Variants in TRABD2A observed in about 807,000 individuals in gnomAD.
TRABD2A encodes the protein TraB domain containing 2A, also known as metalloprotease TIKI1.
A neutral mutation model predicts 45.6 loss-of-function variants in TRABD2A; 43 were observed. The ratio of observed to expected loss-of-function variants is 0.94; its 90% confidence interval spans 0.74 to 1.22. TRABD2A has a LOEUF of 1.22. Ranked by LOEUF, TRABD2A falls within the 50% of genes most tolerant of loss-of-function variation. TRABD2A has a pLI of 0.00. For synonymous variants in TRABD2A, 269 were observed against 265.0 expected (o/e 1.02, Z -0.15); for missense variants, 642 against 652.4 (o/e 0.98, Z 0.17).
At chr2:84,879,641 T>C (rs1683138462) in intron 1 of TRABD2A, 2 of 984,000 alleles carry the variant, frequency 2.0e-6, no homozygotes, top group Non-Finnish European at 2.4e-6. Flanking sequence ...TGAAAGGCAA[T>C]GTGCTTTCTT....
chr2:84,837,316 T>G (rs1230407462), intron 4 of TRABD2A: 2 of 152,186 alleles, frequency 1.3e-5, no homozygotes, highest in Non-Finnish European at 2.9e-5. Flanking sequence ...TTGAACATAT[T>G]TATAATAACT....
chr2:84,862,337 A>G (rs1682527395), intron 2 of TRABD2A, among the ~76,000 whole-genome samples: 2 of 152,172 alleles, frequency 1.3e-5, no homozygotes, highest in South Asian at 4.1e-4. Flanking sequence ...GTTATTCCTG[A>G]AGTCTAGACG....
chr2:84,855,838 G>C (rs572067835), intron 2 of TRABD2A, among the ~76,000 whole-genome samples: 2 of 152,174 alleles, frequency 1.3e-5, no homozygotes, highest in South Asian at 4.1e-4. Context: ...GGGGTTGAGG[G>C]GGTGGGTGAG....
chr2:84,863,437 G>T (rs1157106886), intron 2 of TRABD2A, among the ~76,000 whole-genome samples: 9 of 150,428 alleles, frequency 6.0e-5, no homozygotes, highest in Non-Finnish European at 8.9e-5. Flanking sequence ...GTAGACACGG[G>T]GTTTCACCAT....
At chr2:84,860,406 G>A (rs544218992) in intron 2 of TRABD2A, among the ~76,000 whole-genome samples, 27 of 152,326 alleles carry the variant, frequency 1.8e-4, no homozygotes, top group Admixed American at 9.1e-4. Context: ...GGACGAAGAC[G>A]TGAAGACAGA....
At chr2:84,873,791 T>C (rs1404272344) in intron 1 of TRABD2A, among the ~76,000 whole-genome samples, 1 of 152,240 alleles carries the variant, frequency 6.6e-6, no homozygotes, top group Non-Finnish European at 1.5e-5. Flanking sequence ...AGTTTATTTG[T>C]TCATTTAGAG....
chr2:84,839,457 T>G (rs899480140), intron 3 of TRABD2A, 134 bp from the exon 4 acceptor site: 1 of 830,936 alleles, frequency 1.2e-6, no homozygotes. Flanking sequence ...TTCTTGGAGT[T>G]TCCTGTCTGC....
chr2:84,825,659 G>A (rs572576456), intron 5 of TRABD2A, among the ~76,000 whole-genome samples: 3 of 152,256 alleles, frequency 2.0e-5, no homozygotes, highest in Non-Finnish European at 4.4e-5. Context: ...TGGCTCTCTA[G>A]GATTCAGGTG....
At chr2:84,843,771 C>T (rs1009497443) in intron 2 of TRABD2A, 1 of 152,142 alleles carries the variant, frequency 6.6e-6, no homozygotes, top group Non-Finnish European at 1.5e-5. Context: ...TAAAGAGGAG[C>T]CTTCATGGCT....
intron 2 of TRABD2A, 143 bp from the exon 3 acceptor site, chr2:84,842,150 A>C (rs1031124155): frequency 2.4e-6 from 2 of 849,730 alleles, no homozygotes; most frequent in Non-Finnish European, 3.4e-6. Flanking sequence ...AAGGGAACAC[A>C]AATCCCTGGA....
intron 3 of TRABD2A, 35 bp from the exon 4 acceptor site, chr2:84,839,358 CA>C: frequency 6.5e-7 from 1 of 1,547,366 alleles, no homozygotes; most frequent in South Asian, 1.2e-5. Context: ...AAATAAGGGG[CA>C]ACAGAGTTAT....
At chr2:84,863,013 G>A (rs1242302548) in intron 2 of TRABD2A, among the ~76,000 whole-genome samples, 1 of 152,060 alleles carries the variant, frequency 6.6e-6, no homozygotes, top group Non-Finnish European at 1.5e-5. Flanking sequence ...GTGAAGACAC[G>A]GTCCACGTAC....
intron 6 of TRABD2A, among the ~76,000 whole-genome samples, chr2:84,822,823 G>A (rs77572548): frequency 8.1e-4 from 123 of 152,248 alleles, no homozygotes; most frequent in African/African-American, 2.8e-3. Flanking sequence ...TCACATATCT[G>A]CTTCAAACCT....
chr2:84,833,073 C>T (rs1192465613), intron 4 of TRABD2A: 1 of 152,182 alleles, frequency 6.6e-6, no homozygotes, highest in Non-Finnish European at 1.5e-5. Context: ...GCAGAAGGCC[C>T]ATGGTTCCTG....
At chr2:84,854,267 G>T (rs1682197577) in intron 2 of TRABD2A, among the ~76,000 whole-genome samples, 1 of 151,980 alleles carries the variant, frequency 6.6e-6, no homozygotes, top group Non-Finnish European at 1.5e-5. Context: ...TTGAATTTTG[G>T]TATCCAAGTG....
At chr2:84,833,937 T>C in intron 4 of TRABD2A, 1 of 152,546 alleles carries the variant, frequency 6.6e-6, no homozygotes, top group Non-Finnish European at 1.5e-5. Flanking sequence ...CAGACCAAGC[T>C]GTGCCCCAGC....
intron 4 of TRABD2A, chr2:84,835,841 A>G (rs777628019): frequency 6.6e-6 from 1 of 152,216 alleles, no homozygotes; most frequent in Non-Finnish European, 1.5e-5. Flanking sequence ...AAAAGCATGA[A>G]TCCACTCATG....
intron 1 of TRABD2A, among the ~76,000 whole-genome samples, chr2:84,880,393 G>T (rs1683159174): frequency 6.6e-6 from 1 of 152,150 alleles, no homozygotes; most frequent in Non-Finnish European, 1.5e-5. Flanking sequence ...GGAGCACACA[G>T]GTCCCCCGCT....
At chr2:84,879,478 G>A (rs1683132943) in intron 1 of TRABD2A, 1 of 488,686 alleles carries the variant, frequency 2.0e-6, no homozygotes, top group African/African-American at 2.1e-5. Context: ...ACCATGCCGG[G>A]CTTCTTTGAT....
Sources: allele counts gnomAD v4.1 joint callset (sites outside exome capture counted in the v4.1 genomes callset), GRCh38; gene constraint gnomAD v4.1.1; transcripts MANE v1.5; gene names NCBI Gene and HGNC (gene_info 2026-07-23, HGNC 2026-07-21).